The following RBFOX3 variants were observed in gnomAD, a reference collection of about 807,000 sequenced individuals.
RBFOX3 encodes RNA binding fox-1 homolog 3.
Under a neutral mutation model 48.7 loss-of-function variants are expected in RBFOX3, and 17 were observed. That is an observed-to-expected ratio of 0.35 (90% CI 0.24 to 0.52). RBFOX3 has a LOEUF of 0.52. RBFOX3 is among the 20% of genes least tolerant of loss of function. The pLI is 0.94. For synonymous variants in RBFOX3, 212 were observed against 209.5 expected (o/e 1.01, Z -0.10); for missense variants, 382 against 497.5 (o/e 0.77, Z 2.21).
At chr17:79,513,532 C>T (rs1226330947) in intron 1 of RBFOX3, among the ~76,000 whole-genome samples, 3 of 152,238 alleles carry the variant, frequency 2.0e-5, no homozygotes, top group Admixed American at 6.5e-5. Context: ...TCCTGTGGAC[C>T]CCCATCCCCA....
At chr17:79,530,940 G>A (rs1255105156) in intron 1 of RBFOX3, among the ~76,000 whole-genome samples, 1 of 152,212 alleles carries the variant, frequency 6.6e-6, no homozygotes, top group South Asian at 2.1e-4. Flanking sequence ...TCAGAGCCAC[G>A]TGGCTGTGCC....
rs554613818 is a variant in RBFOX3 at position 79,215,898 on chromosome 17, G to T, written c.-34+19868C>A. Among the ~76,000 whole-genome samples the T allele has an allele frequency of 2.0e-5, 3 of 152,380 alleles. No homozygotes were observed. In the East Asian group the frequency reaches 5.8e-4, roughly 29 times the overall value. On this transcript the variant is annotated intron_variant, in intron 4 of 14. Coordinates refer to ENST00000693108, the MANE Select transcript of RBFOX3 (RefSeq NM_001350451.2). ...GGAAGCCACTCTGGCGGCTGTGGAT[G>T]CTGGTGCAGGCATTTGGACGTCGTC...
intron 3 of RBFOX3, among the ~76,000 whole-genome samples, chr17:79,264,590 A>T (rs1460439): frequency 0.012 from 1,845 of 152,264 alleles, 39 homozygotes; most frequent in African/African-American, 0.043. Flanking sequence ...GTTCGTGGTC[A>T]TCTGTCACAG....
chr17:79,422,079 A>C (rs1462251896), intron 2 of RBFOX3, among the ~76,000 whole-genome samples: 1 of 151,988 alleles, frequency 6.6e-6, no homozygotes, highest in Non-Finnish European at 1.5e-5. Context: ...GAAGGGGCTG[A>C]GAGAGGCGGG....
the RBFOX3 span, among the ~76,000 whole-genome samples, chr17:79,620,481 GCACGTGCACA>G: frequency 3.0e-5 from 4 of 131,556 alleles, no homozygotes; most frequent in East Asian, 2.7e-4. Flanking sequence ...GTGCACACAC[GCACGTGCACA>G]CACGCGCACA....
chr17:79,434,043 C>T (rs1350103780), intron 2 of RBFOX3, among the ~76,000 whole-genome samples: 1 of 152,212 alleles, frequency 6.6e-6, no homozygotes, highest in Non-Finnish European at 1.5e-5. Flanking sequence ...GAACACTGGA[C>T]AGCTGTGTTG....
chr17:79,187,854 T>C (rs1216940328), intron 4 of RBFOX3, among the ~76,000 whole-genome samples: 3 of 151,590 alleles, frequency 2.0e-5, no homozygotes, highest in Non-Finnish European at 2.9e-5. Context: ...GCAGACACCA[T>C]GGGGGAAGGT....
chr17:79,539,088 A>G (rs2089294709), intron 1 of RBFOX3, among the ~76,000 whole-genome samples: 1 of 152,222 alleles, frequency 6.6e-6, no homozygotes, highest in African/African-American at 2.4e-5. Context: ...GTGGTGGCTC[A>G]TGCCTGTAAC....
chr17:79,542,573 C>G (rs377467919), intron 1 of RBFOX3, among the ~76,000 whole-genome samples: 1 of 152,344 alleles, frequency 6.6e-6, no homozygotes, highest in African/African-American at 2.4e-5. Context: ...CACCTGAGAT[C>G]AGGAGTTCGA....
chr17:79,463,693 T>C (rs1162857182), intron 2 of RBFOX3, among the ~76,000 whole-genome samples: 6 of 50,222 alleles, frequency 1.2e-4, no homozygotes, highest in Non-Finnish European at 2.4e-4. Flanking sequence ...CCACTGCCAC[T>C]GCCATCACCA....
chr17:79,136,146 C>T (rs1490337292), intron 4 of RBFOX3: 1 of 152,288 alleles, frequency 6.6e-6, no homozygotes, highest in East Asian at 1.9e-4. Flanking sequence ...GTGACAGCAC[C>T]TTCGCCCTGG....
At chr17:79,654,379 G>C in the RBFOX3 span, among the ~76,000 whole-genome samples, 12 of 152,188 alleles carry the variant, frequency 7.9e-5, no homozygotes, top group Admixed American at 5.9e-4. Context: ...AGCAGGGAAA[G>C]GGAAGACACT....
At chr17:79,246,726 T>C (rs546918050) in intron 3 of RBFOX3, among the ~76,000 whole-genome samples, 6 of 152,214 alleles carry the variant, frequency 3.9e-5, no homozygotes. Context: ...TGGAAACTCT[T>C]TGAGACCTGA....
At chr17:79,528,972 G>A (rs2087252013) in intron 1 of RBFOX3, among the ~76,000 whole-genome samples, 2 of 152,180 alleles carry the variant, frequency 1.3e-5, no homozygotes, top group South Asian at 4.1e-4. Context: ...AACATATTTG[G>A]CAGAATGAAG....
At chr17:79,640,385 C>T in the RBFOX3 span, among the ~76,000 whole-genome samples, 2 of 152,154 alleles carry the variant, frequency 1.3e-5, no homozygotes, top group African/African-American at 4.8e-5. Flanking sequence ...CCACCTACCA[C>T]GCAAAGTGAT....
rs543329533 is a variant in RBFOX3 at position 79,395,044 on chromosome 17, C to T, written c.-174-87220G>A. On this transcript the variant is annotated intron_variant, in intron 2 of 14. Coordinates refer to ENST00000693108, the MANE Select transcript of RBFOX3 (RefSeq NM_001350451.2). Reference sequence around the variant, plus strand: ...GGATCAGCCATCCCAGTGGTGGCCACAGCTGCTGTCATTCAGTGCGACTGA... The same window carrying T: ...GGATCAGCCATCCCAGTGGTGGCCATAGCTGCTGTCATTCAGTGCGACTGA... Among the ~76,000 whole-genome samples the T allele has an allele frequency of 3.9e-5, 6 of 152,366 alleles. No homozygotes were observed. The South Asian group carries it at 1.2e-3, about 32-fold the overall frequency.
In RBFOX3 at chr17:79,473,928, C is replaced by T. The variant is rs926374214; in HGVS notation, c.-175+8526G>A. Among the ~76,000 whole-genome samples the T allele has an allele frequency of 1.3e-5, 2 of 152,188 alleles. No homozygotes were observed. Among genetic ancestry groups the T allele is most frequent in the African/African-American group, 2.4e-5 (1 of 41,436 alleles). On this transcript the variant is annotated intron_variant, in intron 2 of 14. Transcript: ENST00000693108. This position sits in a 1 kb window ranked among gnomAD's most constrained non-coding sequence, Gnocchi z 4.2. Reference sequence around the variant, plus strand: ...TTCCTTCCTCAGGCATTTGCTGACGCTCCTTTTCTGTTCTTTCCCCCACAG... The same window carrying T: ...TTCCTTCCTCAGGCATTTGCTGACGTTCCTTTTCTGTTCTTTCCCCCACAG...
chr17:79,371,590 C>T (rs1203557400), intron 2 of RBFOX3, among the ~76,000 whole-genome samples: 1 of 152,192 alleles, frequency 6.6e-6, no homozygotes, highest in Admixed American at 6.5e-5. Context: ...GAGTGTCCAG[C>T]AGTCCCTAGG....
At chr17:79,382,634 C>G (rs1232239327) in intron 2 of RBFOX3, among the ~76,000 whole-genome samples, 2 of 152,190 alleles carry the variant, frequency 1.3e-5, no homozygotes, top group African/African-American at 4.8e-5. Context: ...AAAGACCTGA[C>G]CAGATTGGCC....
Sources: allele counts gnomAD v4.1 joint callset (sites outside exome capture counted in the v4.1 genomes callset), GRCh38; gene constraint gnomAD v4.1.1; non-coding constraint Gnocchi (gnomAD v3.1); transcripts MANE v1.5; gene names NCBI Gene and HGNC (gene_info 2026-07-23, HGNC 2026-07-21).